The following SSBP3 variants were observed in gnomAD, a reference collection of about 807,000 sequenced individuals.
SSBP3 encodes the protein single stranded DNA binding protein 3.
SSBP3 carries 5 observed loss-of-function variants against 69.6 expected under a neutral mutation model. The observed-to-expected ratio is 0.07, with a 90% CI of 0.04 to 0.15. The LOEUF is 0.15. SSBP3 is among the 10% of genes least tolerant of loss of function. SSBP3 has a pLI of 1.00. For synonymous variants in SSBP3, 196 were observed against 193.4 expected (o/e 1.01, Z -0.11); for missense variants, 312 against 534.0 (o/e 0.58, Z 4.10).
intron 13 of SSBP3, among the ~76,000 whole-genome samples, chr1:54,240,072 G>A (rs901822421): frequency 6.7e-4 from 16 of 23,928 alleles, no homozygotes; most frequent in African/African-American, 4.0e-3. Flanking sequence ...GTGTGTGTGT[G>A]TGTGTGTGTG....
exon 16 of SSBP3, chr1:54,228,473 T>G: frequency 6.2e-7 from 1 of 1,614,216 alleles, no homozygotes; most frequent in Non-Finnish European, 8.5e-7. Flanking sequence ...CTATGTCGCC[T>G]GACCCTGGAA....
At chr1:54,257,373 C>G in intron 6 of SSBP3, 187 bp from the exon 7 acceptor site, 1 of 541,010 alleles carries the variant, frequency 1.8e-6, no homozygotes, top group Non-Finnish European at 3.2e-6. Flanking sequence ...ATCCACACAA[C>G]AAATGTGTCT....
chr1:54,283,150 C>T (rs1280928443), intron 4 of SSBP3, among the ~76,000 whole-genome samples: 1 of 151,864 alleles, frequency 6.6e-6, no homozygotes, highest in African/African-American at 2.4e-5. Context: ...GCCTGCAATC[C>T]CAGCTACTCG....
chr1:54,391,408 C>T (rs1459807804), intron 4 of SSBP3, among the ~76,000 whole-genome samples: 3 of 152,222 alleles, frequency 2.0e-5, no homozygotes, highest in African/African-American at 2.4e-5. Flanking sequence ...TGGCAAAGCC[C>T]GGCAGGCAGC....
chr1:54,396,173 C>T (rs185848672), intron 4 of SSBP3, among the ~76,000 whole-genome samples: 44 of 109,302 alleles, frequency 4.0e-4, no homozygotes, highest in Non-Finnish European at 5.2e-4. Flanking sequence ...GCCTGGGTGA[C>T]AGAGTGAGAC....
At chr1:54,342,029 C>T (rs867382458) in intron 4 of SSBP3, among the ~76,000 whole-genome samples, 21 of 152,220 alleles carry the variant, frequency 1.4e-4, no homozygotes, top group African/African-American at 3.9e-4. Flanking sequence ...TTTCAAAATG[C>T]GGACTGACAC....
exon 1 of SSBP3, chr1:54,405,976 G>A (rs762564450): frequency 4.9e-5 from 72 of 1,472,946 alleles, no homozygotes; most frequent in Admixed American, 1.1e-4. Flanking sequence ...GCCCATCCGA[G>A]GGCACCGCCG....
intron 4 of SSBP3, among the ~76,000 whole-genome samples, chr1:54,383,045 AG>A (rs1647796243): frequency 6.8e-6 from 1 of 146,958 alleles, no homozygotes; most frequent in Non-Finnish European, 1.5e-5. Flanking sequence ...AGAAAGAAAG[AG>A]AAGGAAGGAA....
In SSBP3 at chr1:54,258,248, G is replaced by A. The variant is rs1644957092; in HGVS notation, c.367-99C>T. The A allele has an allele frequency of 9.7e-7, 1 of 1,026,798 alleles. No homozygotes were observed. The highest frequency in any genetic ancestry group is 1.3e-6 in the Non-Finnish European group (1 of 754,744). 63.6% of individuals were successfully genotyped at this position (1,026,798 alleles called of 1,614,324 possible). A position where few individuals can be genotyped will look rare whatever the true frequency, so the allele number is the denominator to read the frequency against. The stretch of plus-strand genomic sequence containing the variant: ...AAAAATTAAACCAAAACGAAGGGTG[G>A]GCGGCGGGCGTGCGGGGGGGTGGGC... On this transcript the variant is annotated intron_variant, in intron 5 of 17. Transcript: ENST00000610401. The surrounding 1 kb of genome is among the most constrained non-coding windows in gnomAD (Gnocchi z 4.5).
intron 5 of SSBP3, among the ~76,000 whole-genome samples, chr1:54,266,059 T>C (rs550402923): frequency 2.6e-5 from 4 of 152,360 alleles, no homozygotes; most frequent in South Asian, 2.1e-4. Context: ...ACGAAAAGTA[T>C]AGGCAGCGTC....
At chr1:54,371,228 A>C (rs912110465) in intron 4 of SSBP3, among the ~76,000 whole-genome samples, 9 of 152,232 alleles carry the variant, frequency 5.9e-5, no homozygotes, top group Admixed American at 3.3e-4. Context: ...TGTTCTCACA[A>C]GACTAAGTTG....
chr1:54,361,826 T>C (rs1646956584), intron 4 of SSBP3, among the ~76,000 whole-genome samples: 1 of 152,156 alleles, frequency 6.6e-6, no homozygotes, highest in Non-Finnish European at 1.5e-5. Flanking sequence ...CTGGTCAATG[T>C]GGATTCTCAT....
intron 10 of SSBP3, 102 bp from the exon 11 acceptor site, chr1:54,242,314 AAG>A: frequency 7.2e-7 from 1 of 1,390,782 alleles, no homozygotes; most frequent in Admixed American, 1.7e-5. Context: ...TCACAACAGG[AAG>A]TCCTTCCTAC....
chr1:54,303,223 G>C (rs77293555), intron 4 of SSBP3, among the ~76,000 whole-genome samples: 3,439 of 152,234 alleles, frequency 0.023, 116 homozygotes, highest in African/African-American at 0.075. Context: ...CTTGGGGTGG[G>C]GGCGCCTCTG....
At chr1:54,339,193 A>G (rs1315876242) in intron 4 of SSBP3, among the ~76,000 whole-genome samples, 2 of 152,208 alleles carry the variant, frequency 1.3e-5, no homozygotes, top group African/African-American at 4.8e-5. Flanking sequence ...AGAATAGGAA[A>G]TGGGGGAGAA....
At chr1:54,277,212 T>C (rs900191889) in intron 5 of SSBP3, among the ~76,000 whole-genome samples, 1 of 151,988 alleles carries the variant, frequency 6.6e-6, no homozygotes, top group African/African-American at 2.4e-5. Flanking sequence ...TTCACGTTCA[T>C]GGTAGACATT....
rs921572769 is a variant in SSBP3, at chr1:54,247,593, C to T, written c.651+4023G>A. Reference sequence around the variant, plus strand: ...GGGTGGCATAGGATTGTCCCAGGGGCTGTGGATTCTCCTTCATCTGAACTC... The same window carrying T: ...GGGTGGCATAGGATTGTCCCAGGGGTTGTGGATTCTCCTTCATCTGAACTC... On this transcript the variant is annotated intron_variant, in intron 9 of 17. Transcript: ENST00000610401. 2.0e-5 allele frequency among the ~76,000 whole-genome samples: 3 copies of T among 152,174 alleles called. No individual in the cohort carries two copies. In the East Asian group the frequency reaches 5.8e-4, roughly 29 times the overall value.
chr1:54,313,960 C>CA (rs1307192501), intron 4 of SSBP3, among the ~76,000 whole-genome samples: 2 of 152,132 alleles, frequency 1.3e-5, no homozygotes, highest in Non-Finnish European at 2.9e-5. Flanking sequence ...GACGGGGTTT[C>CA]ACCATGTTAT....
rs183667027 is a variant in SSBP3, at chr1:54,277,151, G to A, written c.366+4287C>T. ...TCATCTCCCCATCTATAAATGAGAA[G>A]CTTGGACTACATCAGGGATGGCAAA... On this transcript the variant is annotated intron_variant, in intron 5 of 17. Transcript: ENST00000610401. Among the ~76,000 whole-genome samples, 4 of 152,094 alleles carry A rather than the reference G, an allele frequency of 2.6e-5. No individual in the cohort carries two copies. The East Asian group carries it at 5.8e-4, about 22-fold the overall frequency.
Sources: gnomAD v4.1 joint callset for allele counts (sites outside exome capture counted in the v4.1 genomes callset) on GRCh38, gnomAD v4.1.1 for gene constraint, Gnocchi (gnomAD v3.1) non-coding constraint, MANE v1.5 for transcripts, NCBI Gene and HGNC (gene_info 2026-07-23, HGNC 2026-07-21) for gene names.